Variants in NCKIPSD observed in about 807,000 individuals in gnomAD.
NCKIPSD encodes NCK-interacting protein with SH3 domain.
NCKIPSD carries 48 observed loss-of-function variants against 73.4 expected under a neutral mutation model. The ratio of observed to expected loss-of-function variants is 0.65; its 90% CI spans 0.52 to 0.83. The LOEUF (loss-of-function observed/expected upper bound fraction) is 0.83. NCKIPSD is among the 40% of genes least tolerant of loss of function. The pLI is 0.00. For missense variants in NCKIPSD, 884 were observed against 970.2 expected, an observed-to-expected ratio of 0.91 and a Z score of 1.18; for synonymous variants, 422 against 403.6, an observed-to-expected ratio of 1.05 and a Z score of -0.54.
At position 48,680,056 on chromosome 3, in the gene NCKIPSD, T is replaced by C. The variant is rs2077325709; in HGVS notation, c.1263+3A>G. The C allele has an allele frequency of 3.7e-6, 6 of 1,609,584 alleles. No individual in the cohort carries two copies. Among genetic ancestry groups the C allele is most frequent in the Admixed American group, 1.7e-5 (1 of 59,824 alleles). ...GGGTATGTGTGTGGGACCCCACCCT[T>C]ACCAGAATATGCAGCAGCTCCTCTA... is the stretch of plus-strand genomic sequence containing the variant. On this transcript the variant is annotated splice_donor_region_variant and intron_variant, in intron 6 of 12. Coordinates refer to ENST00000294129, the MANE Select transcript of NCKIPSD (RefSeq NM_016453.4).
chr3:48,679,539 C>T (rs1218151956), intron 8 of NCKIPSD, 36 bp downstream of exon 8: 2 of 1,610,188 alleles, frequency 1.2e-6, no homozygotes, highest in East Asian at 4.5e-5. Flanking sequence ...CTCCAGATAG[C>T]AGGAAGTTCC....
At chr3:48,682,183 G>A (rs1270609365) in intron 3 of NCKIPSD, 27 bp from the exon 4 acceptor site, 4 of 1,588,150 alleles carry the variant, frequency 2.5e-6, no homozygotes, top group East Asian at 2.2e-5. Context: ...GGATCTTGGA[G>A]GACAGACTGA....
At position 48,681,782 on chromosome 3, in the gene NCKIPSD, TGCGAGCAGTGAGTAGA is replaced by T; in HGVS notation, c.599-18_599-3del. 1 of 1,489,832 alleles carries T rather than the reference TGCGAGCAGTGAGTAGA, an allele frequency of 6.7e-7. No individual in the cohort carries two copies. The highest frequency in any genetic ancestry group is 8.9e-7 in the Non-Finnish European group (1 of 1,122,046). 92.3% of individuals were successfully genotyped at this position (1,489,832 alleles called of 1,614,324 possible). On this transcript the variant is annotated splice_region_variant and splice_polypyrimidine_tract_variant and intron_variant, in intron 4 of 12. Coordinates refer to ENST00000294129, the MANE Select transcript of NCKIPSD (RefSeq NM_016453.4). ...CGGAGGGCATGGTGTTGTGGCCACC[TGCGAGCAGTGAGTAGA>T]AGCTGGGCCAGGGCAGCCCCCTGGA... is the stretch of plus-strand genomic sequence containing the variant.
In NCKIPSD at chr3:48,682,347, C is replaced by T. The variant is rs769602488; in HGVS notation, c.486+1G>A. ...TTCTCCACGATGTCCTCCCCACACA[C>T]CTGGTAGAGGCCTCCATCTGCCCCA... On this transcript the variant is annotated splice_donor_variant, in intron 3 of 12. Coordinates refer to ENST00000294129, the MANE Select transcript of NCKIPSD (RefSeq NM_016453.4). LOFTEE classifies it high-confidence loss of function. 5 of 1,613,962 alleles carry T rather than the reference C, an allele frequency of 3.1e-6. No homozygotes were observed. The Admixed American group carries it at 5.0e-5, about 16-fold the overall frequency.
chr3:48,680,593 C>T (rs892478175), intron 5 of NCKIPSD, among the ~76,000 whole-genome samples: 6 of 152,162 alleles, frequency 3.9e-5, no homozygotes, highest in African/African-American at 1.4e-4. Flanking sequence ...TTTCCTTGAA[C>T]CCTGCTGACC....
In NCKIPSD at chr3:48,681,104, T is replaced by A. The variant is rs978489978; in HGVS notation, c.1092+183A>T. On this transcript the variant is annotated intron_variant, in intron 5 of 12. Transcript: ENST00000294129. ...TTGTGGCCCTTGTCCAGGCTGCGCA[T>A]CTGCCTGGAATGCTTGTCCTTCCTT... 11 of 941,406 alleles carry A rather than the reference T, an allele frequency of 1.2e-5. No individual in the cohort carries two copies. In the African/African-American group the frequency reaches 1.8e-4, roughly 16 times the overall value. The allele number at this position is 941,406 out of a possible 1,614,324, so 58.3% of individuals were successfully genotyped here.
Position 48,685,577 on chromosome 3 carries a change from G to A in NCKIPSD, c.171+60C>T, listed in dbSNP as rs908157044. 6.1e-6 allele frequency: 9 copies of A among 1,464,556 alleles called. No individual in the cohort carries two copies. In the Admixed American group the frequency reaches 1.9e-4, roughly 32 times the overall value. 90.7% of individuals were successfully genotyped at this position (1,464,556 alleles called of 1,614,324 possible). A position where few individuals can be genotyped will look rare whatever the true frequency, so the allele number is the denominator to read the frequency against. On this transcript the variant is annotated intron_variant, in intron 1 of 12. Coordinates refer to ENST00000294129, the MANE Select transcript of NCKIPSD (RefSeq NM_016453.4). ...GTGGGGTCCCTGGGTCGGTTCCGCG[G>A]GGCTGTGAAGGGGTCCTGCCCCAGG...
rs752629204 is a variant in NCKIPSD, at chr3:48,682,061, C to T, written c.582G>A (p.Leu194=). ...CCTTCTTACCACTCCCAGAGGCCAT[C>T]AGGGCCTCGCGGTCTCGGCGCTTCA... is the stretch of plus-strand genomic sequence containing the variant. ...PPVKRRDREA[L]MASGSGGHNT... Residue 194 remains leucine, a synonymous_variant, in exon 4 of 13, where the codon CTG becomes CTA. Coordinates refer to ENST00000294129, the MANE Select transcript of NCKIPSD (RefSeq NM_016453.4). 2.5e-6 allele frequency: 4 copies of T among 1,601,350 alleles called. No homozygotes were observed. The highest frequency in any genetic ancestry group is 1.7e-4 in the Middle Eastern group (1 of 6,058).
At chr3:48,675,509 C>CATATATATAT (rs35007879) in intron 12 of NCKIPSD, among the ~76,000 whole-genome samples, 5 of 110,438 alleles carry the variant, frequency 4.5e-5, no homozygotes, top group African/African-American at 1.9e-4. Flanking sequence ...ATATATATAT[C>CATATATATAT]ATATATATAT....
intron 12 of NCKIPSD, among the ~76,000 whole-genome samples, chr3:48,675,805 C>G (rs964498714): frequency 1.3e-5 from 2 of 151,992 alleles, no homozygotes; most frequent in Non-Finnish European, 2.9e-5. Flanking sequence ...CTCGGCCTCC[C>G]AAAGTGCTGG....
intron 1 of NCKIPSD, 39 bp downstream of exon 1, chr3:48,685,598 C>A (rs2106759045): frequency 6.7e-7 from 1 of 1,501,620 alleles, no homozygotes; most frequent in South Asian, 1.2e-5. Flanking sequence ...GGGTCCTGCC[C>A]CAGGGGCGCG....
chr3:48,674,739 C>T lies in NCKIPSD; in HGVS notation c.1974G>A (p.Met658Ile), dbSNP rs187527777. Residue 658 changes from methionine to isoleucine, a missense_variant, in exon 13 of 13, where the codon ATG becomes ATA. Physicochemically the swap from Met to Ile is conservative, Grantham distance 10 (BLOSUM62 1). Transcript: ENST00000294129. The stretch of plus-strand genomic sequence containing the variant: ...TAGCATGCATCAGGGAGAGGTACTC[C>T]ATGCGCAGCTGTGGGAAGAGCAGGC... Reference protein sequence around the residue: ...ADLSPGDKLRMEYLSLMHAIV... With the variant: ...ADLSPGDKLRIEYLSLMHAIV... 1.2e-5 allele frequency: 19 copies of T among 1,613,872 alleles called. No individual in the cohort carries two copies.
At position 48,678,561 on chromosome 3, in the gene NCKIPSD, C is replaced by G. The variant is rs959609059; in HGVS notation, c.1965+3G>C. On this transcript the variant is annotated splice_donor_region_variant and intron_variant, in intron 12 of 12. Coordinates refer to ENST00000294129, the MANE Select transcript of NCKIPSD (RefSeq NM_016453.4). ...CCCCGCTGCTGCAGCCACCTCCAGG[C>G]ACCTTGTCTCCTGGTGACAGGTCTG... is the stretch of plus-strand genomic sequence containing the variant. 1.2e-6 allele frequency: 2 copies of G among 1,606,358 alleles called. No individual in the cohort carries two copies. Among genetic ancestry groups the G allele is most frequent in the South Asian group, 2.2e-5 (2 of 90,214 alleles).
rs2106753902 is a variant in NCKIPSD at position 48,682,361 on chromosome 3, C to T, written c.473G>A (p.Gly158Glu). 6.2e-7 allele frequency: 1 copy of T among 1,614,058 alleles called. No individual in the cohort carries two copies. The highest frequency in any genetic ancestry group is 8.5e-7 in the Non-Finnish European group (1 of 1,179,974). Residue 158 changes from glycine to glutamate, a missense_variant, in exon 3 of 13, where the codon GGA (glycine) becomes GAA (glutamate). Physicochemically the swap from Gly to Glu is moderately conservative, Grantham distance 98. Coordinates refer to ENST00000294129, the MANE Select transcript of NCKIPSD (RefSeq NM_016453.4). Reference protein sequence around the residue: ...LPSSEHLGADGGLYQIPLPSS... With the variant: ...LPSSEHLGADEGLYQIPLPSS... ...CTCCCCACACACCTGGTAGAGGCCT[C>T]CATCTGCCCCAAGATGCTCAGAACT...
At chr3:48,675,534 T>TC (rs2077241939) in intron 12 of NCKIPSD, among the ~76,000 whole-genome samples, 1 of 141,018 alleles carries the variant, frequency 7.1e-6, no homozygotes, top group South Asian at 2.2e-4. Context: ...ATATGATATA[T>TC]ATATATATAT....
chr3:48,682,969 T>C lies in NCKIPSD; in HGVS notation c.215A>G (p.Glu72Gly). 2 of 1,551,854 alleles carry C rather than the reference T, an allele frequency of 1.3e-6. No homozygotes were observed. Among genetic ancestry groups the C allele is most frequent in the Non-Finnish European group, 1.7e-6 (2 of 1,147,790 alleles). Residue 72 changes from glutamate to glycine, a missense_variant, in exon 2 of 13, where the codon GAG becomes GGG. By Grantham distance (98) the Glu-to-Gly change is moderately conservative (BLOSUM62 -2). Transcript: ENST00000294129. ...DVLQAIDRAI[E>G]AVHNTAMRDG... ...CCGCATGGCTGTGTTGTGTACAGCC[T>C]CGATGGCCCGGTCAATGGCCTGGAG...
chr3:48,676,866 G>A (rs1229064545), intron 12 of NCKIPSD, among the ~76,000 whole-genome samples: 1 of 151,496 alleles, frequency 6.6e-6, no homozygotes, highest in Non-Finnish European at 1.5e-5. Context: ...CACCTCCCGG[G>A]TTCAAGCAAT....
chr3:48,678,338 C>A (rs771755499), intron 12 of NCKIPSD, among the ~76,000 whole-genome samples: 1 of 152,174 alleles, frequency 6.6e-6, no homozygotes, highest in Non-Finnish European at 1.5e-5. Flanking sequence ...ATCCTCCATG[C>A]CTCATCTCCC....
chr3:48,681,646 G>GT lies in NCKIPSD; in HGVS notation c.732dup (p.Pro245ThrfsTer25). 6.2e-7 allele frequency: 1 copy of GT among 1,611,946 alleles called. No homozygotes were observed. The highest frequency in any genetic ancestry group is 8.5e-7 in the Non-Finnish European group (1 of 1,178,890). Reference sequence around the variant, plus strand: ...GTGTGGGTGCCTCGGCGGGGCACAGGTGGGGGTGTGGGTGAGCAGCTGGAG... The same window carrying GT: ...GTGTGGGTGCCTCGGCGGGGCACAGGTTGGGGGTGTGGGTGAGCAGCTGGAG... On this transcript the variant is annotated frameshift_variant, in exon 5 of 13. Transcript: ENST00000294129. LOFTEE classifies it high-confidence loss of function.
Sources: allele counts gnomAD v4.1 joint callset (sites outside exome capture counted in the v4.1 genomes callset), GRCh38; gene constraint gnomAD v4.1.1; transcripts MANE v1.5; gene names NCBI Gene and HGNC (gene_info 2026-07-23, HGNC 2026-07-21).